The following ABHD2 variants were observed in gnomAD, a reference collection of about 807,000 sequenced individuals.
ABHD2 encodes the protein monoacylglycerol lipase ABHD2.
In ABHD2, 20 loss-of-function variants were observed where a neutral mutation model predicts 48.1. The ratio of observed to expected loss-of-function variants is 0.42; its 90% CI spans 0.29 to 0.60. The LOEUF is 0.60. Ranked by LOEUF, ABHD2 falls within the 20% of genes least tolerant of loss-of-function variation. The probability of loss-of-function intolerance (pLI) is 0.24; values close to 1 mark genes in which losing one functional copy is unlikely to be tolerated. For missense variants in ABHD2, 405 were observed against 550.9 expected, an observed-to-expected ratio of 0.74 and a Z score of 2.65; for synonymous variants, 209 against 214.2, an observed-to-expected ratio of 0.98 and a Z score of 0.21.
chr15:89,138,234 A>G (rs1165162757), intron 3 of ABHD2, among the ~76,000 whole-genome samples: 2 of 152,220 alleles, frequency 1.3e-5, no homozygotes, highest in Admixed American at 6.5e-5. Flanking sequence ...ATGCATGCAC[A>G]TGCACATGTG....
rs1284829491 is a variant in ABHD2 at position 89,201,283 on chromosome 15, A to G, written c.*5860A>G. On this transcript the variant is annotated 3_prime_UTR_variant, in exon 11 of 11. Transcript: ENST00000352732. ...TCATCATTTCTCCCTGAAGTCTTTT[A>G]CACTCTTCTGTTAGTTTCCTTGTTT... 3 of 1,163,816 alleles carry G rather than the reference A, an allele frequency of 2.6e-6. No individual in the cohort carries two copies. The highest frequency in any genetic ancestry group is 3.8e-6 in the Non-Finnish European group (3 of 786,614). The allele number at this position is 1,163,816 out of a possible 1,614,324, so 72.1% of individuals were successfully genotyped here.
At chr15:89,050,733 T>A in the ABHD2 span, among the ~76,000 whole-genome samples, 1 of 151,876 alleles carries the variant, frequency 6.6e-6, no homozygotes, top group East Asian at 1.9e-4. Flanking sequence ...CTTGCCACCT[T>A]CCCAGTTCCC....
At position 89,189,011 on chromosome 15, in the gene ABHD2, G is replaced by A. The variant is rs1392762964; in HGVS notation, c.926+708G>A. ...ACTCTGAGTGTGAGACACAAATACT[G>A]CCCACTTCATTCATCTACTCTTTAT... On this transcript the variant is annotated intron_variant, in intron 8 of 10. Coordinates refer to ENST00000352732, the MANE Select transcript of ABHD2 (RefSeq NM_152924.5). This position sits in a 1 kb window ranked among gnomAD's most constrained non-coding sequence, Gnocchi z 4.9. Among the ~76,000 whole-genome samples, 2 of 152,006 alleles carry A rather than the reference G, an allele frequency of 1.3e-5. No homozygotes were observed. The highest frequency in any genetic ancestry group is 4.8e-5 in the African/African-American group (2 of 41,376).
chr15:89,123,593 C>CTTTTT (rs138910210), intron 3 of ABHD2, among the ~76,000 whole-genome samples: 183 of 96,628 alleles, frequency 1.9e-3, no homozygotes, highest in East Asian at 4.6e-3. Context: ...TTCTTTCTTT[C>CTTTTT]TTTTTTTTTT....
chr15:89,042,587 CTTATTTATTTATTTAT>C, the ABHD2 span, among the ~76,000 whole-genome samples: 2,273 of 141,984 alleles, frequency 0.016, 26 homozygotes, highest in South Asian at 0.028. Context: ...TTCTTTCTTT[CTTATTTATTTATTTAT>C]TTATTTATTT....
chr15:89,042,268 T>A, the ABHD2 span, among the ~76,000 whole-genome samples: 256 of 152,276 alleles, frequency 1.7e-3, 1 homozygote, highest in African/African-American at 5.9e-3. Context: ...TTAGGACCAC[T>A]CAGTGACACT....
the ABHD2 span, among the ~76,000 whole-genome samples, chr15:89,051,964 G>T: frequency 2.0e-5 from 3 of 152,188 alleles, no homozygotes; most frequent in East Asian, 5.8e-4. Flanking sequence ...GGTAGACTGA[G>T]CCACAGGAGA....
the ABHD2 span, among the ~76,000 whole-genome samples, chr15:89,062,286 C>T: frequency 6.6e-6 from 1 of 151,470 alleles, no homozygotes; most frequent in African/African-American, 2.4e-5. Flanking sequence ...AAAGGTTGTT[C>T]GGGCATTCGG....
Position 89,189,195 on chromosome 15 carries a change from T to C in ABHD2, c.926+892T>C, listed in dbSNP as rs1461307891. 6.6e-6 allele frequency among the ~76,000 whole-genome samples: 1 copy of C among 152,084 alleles called. No homozygotes were observed. Among genetic ancestry groups the C allele is most frequent in the East Asian group, 1.9e-4 (1 of 5,164 alleles). ...ATACGTGATCCTTTTCATTTAACAATCATTTGAGGCCAGGAACAGTGGCTC... is the reference window on the plus strand; with the variant it reads ...ATACGTGATCCTTTTCATTTAACAACCATTTGAGGCCAGGAACAGTGGCTC... On this transcript the variant is annotated intron_variant, in intron 8 of 10. Coordinates refer to ENST00000352732, the MANE Select transcript of ABHD2 (RefSeq NM_152924.5). The surrounding 1 kb of genome is among the most constrained non-coding windows in gnomAD (Gnocchi z 4.9).
chr15:89,085,892 C>G (rs1220412937), upstream of ABHD2, among the ~76,000 whole-genome samples: 1 of 152,188 alleles, frequency 6.6e-6, no homozygotes, highest in East Asian at 1.9e-4. The surrounding 1 kb of genome is among the most constrained non-coding windows in gnomAD (Gnocchi z 4.2). Context: ...TGGGCTGGGC[C>G]TATTTCCGTA....
rs996530082 is a variant in ABHD2, at chr15:89,181,003, G to A, written c.723-4421G>A. ...AGCACTTTGGGAGGCCAAGGCACGC[G>A]GATCACAAGGTCAGGAGTTTGAGAC... On this transcript the variant is annotated intron_variant, in intron 6 of 10. Transcript: ENST00000352732. Among the ~76,000 whole-genome samples, 13 of 151,992 alleles carry A rather than the reference G, an allele frequency of 8.6e-5. No individual in the cohort carries two copies. In the East Asian group the frequency reaches 1.5e-3, roughly 18 times the overall value.
Position 89,097,646 on chromosome 15 carries a change from A to G in ABHD2, c.-107+9083A>G, listed in dbSNP as rs1347022306. 6.6e-6 allele frequency among the ~76,000 whole-genome samples: 1 copy of G among 152,208 alleles called. No homozygotes were observed. Among genetic ancestry groups the G allele is most frequent in the Non-Finnish European group, 1.5e-5 (1 of 68,046 alleles). On this transcript the variant is annotated intron_variant, in intron 1 of 10. Transcript: ENST00000352732. The surrounding 1 kb of genome is among the most constrained non-coding windows in gnomAD (Gnocchi z 4.2). Reference sequence around the variant, plus strand: ...GGTATTTGTTTACTTTTGACAGATAACGCATTCATGTGTTATAACATTCAA... The same window carrying G: ...GGTATTTGTTTACTTTTGACAGATAGCGCATTCATGTGTTATAACATTCAA...
chr15:89,134,449 A>G (rs1052222703), intron 3 of ABHD2, among the ~76,000 whole-genome samples: 1 of 151,990 alleles, frequency 6.6e-6, no homozygotes, highest in African/African-American at 2.4e-5. Flanking sequence ...AATTTCCTGG[A>G]TGTATTTAGG....
chr15:89,183,384 A>AAATATATATATAT (rs61602174), intron 6 of ABHD2: 19 of 46,258 alleles, frequency 4.1e-4, no homozygotes, highest in Non-Finnish European at 6.4e-4. Flanking sequence ...AAAAAAAAAA[A>AAATATATATATAT]ATATATATAT....
rs749058520 is a variant in ABHD2, at chr15:89,185,558, T to C, written c.815+42T>C. 55 of 1,560,960 alleles carry C rather than the reference T, an allele frequency of 3.5e-5. No individual in the cohort carries two copies. Among genetic ancestry groups the C allele is most frequent in the Non-Finnish European group, 2.0e-5 (23 of 1,132,254 alleles). On this transcript the variant is annotated intron_variant, in intron 7 of 10. Transcript: ENST00000352732. This position sits in a 1 kb window ranked among gnomAD's most constrained non-coding sequence, Gnocchi z 5.9. The stretch of plus-strand genomic sequence containing the variant: ...TCTCTCTCAGGAGACAGACAGTTCC[T>C]TCCTGAGCTCATCTGGGAACCGTGA...
In ABHD2 at chr15:89,100,821, A is replaced by G. The variant is rs544077214; in HGVS notation, c.-107+12258A>G. On this transcript the variant is annotated intron_variant, in intron 1 of 10. Coordinates refer to ENST00000352732, the MANE Select transcript of ABHD2 (RefSeq NM_152924.5). The surrounding 1 kb of genome is among the most constrained non-coding windows in gnomAD (Gnocchi z 4.4). ...GAGGCGGAGGTTGCTGTGAGCTGAG[A>G]TGTGCCATTGCACTCCACCCTGGGC... 7.6e-4 allele frequency among the ~76,000 whole-genome samples: 115 copies of G among 152,248 alleles called. No individual in the cohort carries two copies. Among genetic ancestry groups the G allele is most frequent in the African/African-American group, 2.6e-3 (110 of 41,556 alleles).
At chr15:89,081,166 ATTTTTTTTTTTT>A in the ABHD2 span, among the ~76,000 whole-genome samples, 251 of 115,304 alleles carry the variant, frequency 2.2e-3, 2 homozygotes, top group African/African-American at 8.4e-3. Flanking sequence ...TGCCCAGCTA[ATTTTTTTTTTTT>A]TTTTTTTTTT....
chr15:89,151,755 G>A lies in ABHD2; in HGVS notation c.273G>A (p.Ser91=), dbSNP rs141659881. The A allele has an allele frequency of 1.0e-3, 1,668 of 1,614,200 alleles. 19 individuals are homozygous for A. In the East Asian group the frequency reaches 0.014, roughly 13 times the overall value. ...ATGGGAAGATGGGAAGGGTGAGGTC[G>A]CCACATCCTTATGGGCACCGGAAGT... ...ALYGKMGRVR[S]PHPYGHRKFI... The change falls in exon 4 of 11, where the codon TCG becomes TCA. Residue 91 remains serine (S), a synonymous_variant. Coordinates refer to ENST00000352732, the MANE Select transcript of ABHD2 (RefSeq NM_152924.5). This position sits in a 1 kb window ranked among gnomAD's most constrained non-coding sequence, Gnocchi z 4.7.
At chr15:89,083,492 G>A (rs941786632), upstream of ABHD2, among the ~76,000 whole-genome samples, 18 of 152,220 alleles carry the variant, frequency 1.2e-4, no homozygotes, top group Admixed American at 3.3e-4. This position sits in a 1 kb window ranked among gnomAD's most constrained non-coding sequence, Gnocchi z 5.1. Flanking sequence ...GCGCGTGCAC[G>A]TGCGTGTATG....
Sources: allele counts gnomAD v4.1 joint callset (sites outside exome capture counted in the v4.1 genomes callset), GRCh38; gene constraint gnomAD v4.1.1; non-coding constraint Gnocchi (gnomAD v3.1); transcripts MANE v1.5; gene names NCBI Gene and HGNC (gene_info 2026-07-23, HGNC 2026-07-21).